NTN1: variants seen among roughly 807,000 people sequenced by gnomAD.
The protein encoded by NTN1 is netrin 1.
Under a neutral mutation model 54.2 loss-of-function variants are expected in NTN1, and 11 were observed. The observed-to-expected ratio is 0.20, with a 90% CI of 0.13 to 0.34. The LOEUF is 0.34. Ranked by LOEUF, NTN1 falls within the 10% of genes least tolerant of loss-of-function variation. The pLI, the probability that NTN1 is intolerant of heterozygous loss-of-function variation, is 1.00. For missense variants in NTN1, 740 were observed against 893.1 expected (o/e 0.83, Z 2.18); for synonymous variants, 371 against 382.0 (o/e 0.97, Z 0.33).
intron 5 of NTN1, chr17:9,183,539 C>G (rs990898507): frequency 2.9e-6 from 1 of 346,308 alleles, no homozygotes; most frequent in African/African-American, 2.2e-5. Context: ...GTTTACACAT[C>G]ACATTCTAGC....
intron 5 of NTN1, among the ~76,000 whole-genome samples, chr17:9,207,209 A>C (rs1360480990): frequency 6.6e-6 from 1 of 152,192 alleles, no homozygotes; most frequent in African/African-American, 2.4e-5. Context: ...AAAATGTATC[A>C]CTGCACAGGG....
chr17:9,190,650 G>T (rs138111196), intron 5 of NTN1, among the ~76,000 whole-genome samples: 2,234 of 152,038 alleles, frequency 0.015, 46 homozygotes, highest in African/African-American at 0.048. Context: ...CCAGGACTTC[G>T]AGACCAGCCT....
At chr17:9,231,970 G>A (rs1219084935) in intron 6 of NTN1, among the ~76,000 whole-genome samples, 5 of 152,274 alleles carry the variant, frequency 3.3e-5, no homozygotes, top group Admixed American at 1.3e-4. Context: ...CATGTCCCGC[G>A]GGCCCAGCCC....
At chr17:9,086,272 G>A (rs1248605459) in intron 2 of NTN1, among the ~76,000 whole-genome samples, 1 of 152,174 alleles carries the variant, frequency 6.6e-6, no homozygotes. Flanking sequence ...GGAGCCTGAG[G>A]CAGGAGGATT....
chr17:9,097,271 T>C (rs1479340059), intron 2 of NTN1, among the ~76,000 whole-genome samples: 1 of 152,170 alleles, frequency 6.6e-6, no homozygotes, highest in Non-Finnish European at 1.5e-5. Flanking sequence ...CCCTGGAAAA[T>C]GTAACATTTT....
chr17:9,068,793 C>T (rs1181642265), intron 2 of NTN1, among the ~76,000 whole-genome samples: 1 of 152,170 alleles, frequency 6.6e-6, no homozygotes, highest in Admixed American at 6.6e-5. Flanking sequence ...CAGGCATAAG[C>T]CACCGCGCCT....
At chr17:9,061,417 A>G (rs2091997861) in intron 2 of NTN1, among the ~76,000 whole-genome samples, 1 of 152,164 alleles carries the variant, frequency 6.6e-6, no homozygotes, top group African/African-American at 2.4e-5. Flanking sequence ...CAGTAGGAGC[A>G]TAGGAGGAGA....
At chr17:9,155,811 T>C (rs1206682616) in intron 2 of NTN1, among the ~76,000 whole-genome samples, 1 of 152,172 alleles carries the variant, frequency 6.6e-6, no homozygotes, top group African/African-American at 2.4e-5. Flanking sequence ...TTGGGGGAAC[T>C]GTCCTGTGCA....
At chr17:9,055,392 T>C (rs1465907499) in intron 2 of NTN1, among the ~76,000 whole-genome samples, 1 of 152,096 alleles carries the variant, frequency 6.6e-6, no homozygotes, top group Non-Finnish European at 1.5e-5. Flanking sequence ...GATGTTCTAT[T>C]GGGGTTGAGC....
At chr17:9,139,727 A>G (rs534346152) in intron 2 of NTN1, among the ~76,000 whole-genome samples, 30 of 152,280 alleles carry the variant, frequency 2.0e-4, no homozygotes, top group African/African-American at 6.5e-4. Flanking sequence ...TTGGGCTGTG[A>G]CTCACAGTAA....
At chr17:9,080,809 A>G (rs1279188649) in intron 2 of NTN1, among the ~76,000 whole-genome samples, 3 of 152,230 alleles carry the variant, frequency 2.0e-5, no homozygotes, top group Admixed American at 6.5e-5. Flanking sequence ...TCAGAAGGAC[A>G]GCGTTTGGAG....
At chr17:9,138,880 C>T (rs1023083813) in intron 2 of NTN1, among the ~76,000 whole-genome samples, 12 of 152,060 alleles carry the variant, frequency 7.9e-5, no homozygotes, top group Non-Finnish European at 1.3e-4. Context: ...GTCACCAGTC[C>T]CCTTGGTACT....
chr17:9,170,616 A>G (rs8081757), intron 3 of NTN1, among the ~76,000 whole-genome samples: 47,951 of 152,026 alleles, frequency 0.32, 7,639 homozygotes, highest in African/African-American at 0.34. Context: ...AGATGTGCCC[A>G]GCAGCTGCTT....
intron 2 of NTN1, among the ~76,000 whole-genome samples, chr17:9,151,030 G>A (rs917401798): frequency 6.6e-6 from 1 of 152,068 alleles, no homozygotes; most frequent in Non-Finnish European, 1.5e-5. Context: ...CTCTTTGCAG[G>A]GACCACGTCC....
intron 5 of NTN1, among the ~76,000 whole-genome samples, chr17:9,218,542 C>T (rs989267953): frequency 6.6e-6 from 1 of 152,298 alleles, no homozygotes; most frequent in African/African-American, 2.4e-5. Context: ...AGACACTTGG[C>T]TCTGGAGAGA....
chr17:9,073,598 C>A (rs185709745), intron 2 of NTN1, among the ~76,000 whole-genome samples: 1 of 152,230 alleles, frequency 6.6e-6, no homozygotes, highest in African/African-American at 2.4e-5. Context: ...GCCCTCCCGC[C>A]GAGTGCAGGA....
intron 2 of NTN1, among the ~76,000 whole-genome samples, chr17:9,026,145 G>C (rs2091869801): frequency 6.6e-6 from 1 of 151,976 alleles, no homozygotes; most frequent in African/African-American, 2.4e-5. Context: ...GGTTAACCCT[G>C]TGCCCCACCC....
chr17:9,214,411 A>G (rs1307917598), intron 5 of NTN1, among the ~76,000 whole-genome samples: 3 of 152,220 alleles, frequency 2.0e-5, no homozygotes, highest in African/African-American at 2.4e-5. Context: ...TTTTTCCACT[A>G]TAAACATGCT....
chr17:9,154,814 T>C (rs757924078), intron 2 of NTN1, among the ~76,000 whole-genome samples: 14 of 152,306 alleles, frequency 9.2e-5, no homozygotes, highest in Non-Finnish European at 1.5e-4. Flanking sequence ...GAACCAGTCA[T>C]TTAAGGAGAA....
Sources: gnomAD v4.1 joint callset for allele counts (sites outside exome capture counted in the v4.1 genomes callset) on GRCh38, gnomAD v4.1.1 for gene constraint, MANE v1.5 for transcripts, NCBI Gene and HGNC (gene_info 2026-07-23, HGNC 2026-07-21) for gene names.